The following UBAP1L variants were observed in gnomAD, a reference collection of about 807,000 sequenced individuals.
The protein encoded by UBAP1L is ubiquitin associated protein 1 like.
Under a neutral mutation model 32.1 loss-of-function variants are expected in UBAP1L, and 32 were observed. The ratio of observed to expected loss-of-function variants is 1.00; its 90% CI spans 0.75 to 1.34. The LOEUF is 1.34. UBAP1L is among the 40% of genes most tolerant of loss of function. The probability of loss-of-function intolerance (pLI) is 0.00; values close to 1 mark genes in which losing one functional copy is unlikely to be tolerated. For missense variants in UBAP1L, 516 were observed against 540.5 expected (o/e 0.95, Z 0.45); for synonymous variants, 243 against 250.2 (o/e 0.97, Z 0.27).
intron 1 of UBAP1L, among the ~76,000 whole-genome samples, chr15:65,108,453 A>G (rs1436861629): frequency 2.0e-5 from 3 of 152,192 alleles, no homozygotes; most frequent in Non-Finnish European, 4.4e-5. Context: ...AAGTTACAAA[A>G]GGGCTAACGG....
Position 65,106,421 on chromosome 15 carries a change from A to T in UBAP1L, c.-173-33T>A, listed in dbSNP as rs1188914532. On this transcript the variant is annotated intron_variant, in intron 1 of 5. Transcript: ENST00000559089. ...AAGGAAGGAAATGAATAAAAACAAG[A>T]GCATTCACACGGACAGAAATTCACT... 1.2e-5 allele frequency: 6 copies of T among 500,164 alleles called. No individual in the cohort carries two copies. In the African/African-American group the frequency reaches 1.2e-4, roughly 10 times the overall value. The allele number at this position is 500,164 out of a possible 1,614,324, so 31.0% of individuals were successfully genotyped here. A position where few individuals can be genotyped will look rare whatever the true frequency, so the allele number is the denominator to read the frequency against.
At chr15:65,114,709 A>G (rs906707358) in intron 1 of UBAP1L, among the ~76,000 whole-genome samples, 5 of 152,222 alleles carry the variant, frequency 3.3e-5, no homozygotes, top group African/African-American at 9.7e-5. Flanking sequence ...CATAATTCAA[A>G]TTCTGGTATC....
chr15:65,114,159 C>T (rs975735674), intron 1 of UBAP1L, among the ~76,000 whole-genome samples: 2 of 151,122 alleles, frequency 1.3e-5, no homozygotes, highest in Non-Finnish European at 2.9e-5. Context: ...GCTGGGATTA[C>T]AGGCATGAGC....
At chr15:65,112,227 C>A (rs1216580065) in intron 1 of UBAP1L, among the ~76,000 whole-genome samples, 1 of 152,140 alleles carries the variant, frequency 6.6e-6, no homozygotes, top group Non-Finnish European at 1.5e-5. Flanking sequence ...AGAGAAGTGA[C>A]AAGTTGCTGG....
chr15:65,093,225 C>A lies in UBAP1L; in HGVS notation c.1018G>T (p.Glu340Ter). The change falls in exon 6 of 6, where the codon GAG becomes TAG. Residue 340 changes from glutamate to a stop codon, truncating the protein, a stop_gained. Transcript: ENST00000559089. LOFTEE classifies it high-confidence loss of function. ...MFQFSESQAG[E>*]FLRLWEQFSD... is the part of the protein sequence containing the mutation. Reference sequence around the variant, plus strand: ...AACTGCTCCCAGAGGCGCAGGAACTCCCCTGCCTGAGGAAGAGGAGACAGG... The same window carrying A: ...AACTGCTCCCAGAGGCGCAGGAACTACCCTGCCTGAGGAAGAGGAGACAGG... 1 of 1,544,412 alleles carries A rather than the reference C, an allele frequency of 6.5e-7. No homozygotes were observed. The highest frequency in any genetic ancestry group is 8.7e-7 in the Non-Finnish European group (1 of 1,144,704).
chr15:65,102,515 G>A lies in UBAP1L; in HGVS notation c.290C>T (p.Pro97Leu), dbSNP rs954462322. ...CGGCCTCTCCTGGTGTCCGGCCTCC[G>A]GGTCTCTGATTGTGGTGGGCGCAGG... ...LAPAPTTIRD[P>L]EAGHQERPEE... is the part of the protein sequence containing the mutation. Residue 97 changes from proline to leucine, a missense_variant, in exon 3 of 6, where the codon CCG (proline) becomes CTG (leucine). Coordinates refer to ENST00000559089, the MANE Select transcript of UBAP1L (RefSeq NM_001163692.2). This position sits in a 1 kb window ranked among gnomAD's most constrained non-coding sequence, Gnocchi z 5.0. 2.7e-6 allele frequency: 4 copies of A among 1,480,628 alleles called. No homozygotes were observed. Among genetic ancestry groups the A allele is most frequent in the African/African-American group, 1.4e-5 (1 of 69,106 alleles). 91.7% of individuals were successfully genotyped at this position (1,480,628 alleles called of 1,614,324 possible). A position where few individuals can be genotyped will look rare whatever the true frequency, so the allele number is the denominator to read the frequency against.
At position 65,094,076 on chromosome 15, in the gene UBAP1L, A is replaced by T. The variant is rs529186953; in HGVS notation, c.1011+399T>A. Among the ~76,000 whole-genome samples, 1 of 152,312 alleles carries T rather than the reference A, an allele frequency of 6.6e-6. No individual in the cohort carries two copies. Among genetic ancestry groups the T allele is most frequent in the Admixed American group, 6.5e-5 (1 of 15,296 alleles). ...AACAAGATGTGACTATTGGGCCTACAGCTGCATGCACTTGGGGTAGGCGGC... is the reference window on the plus strand; with the variant it reads ...AACAAGATGTGACTATTGGGCCTACTGCTGCATGCACTTGGGGTAGGCGGC... On this transcript the variant is annotated intron_variant, in intron 5 of 5. Coordinates refer to ENST00000559089, the MANE Select transcript of UBAP1L (RefSeq NM_001163692.2). The surrounding 1 kb of genome is among the most constrained non-coding windows in gnomAD (Gnocchi z 4.2).
rs924967284 is a variant in UBAP1L, at chr15:65,102,963, C to G, written c.121-279G>C. Among the ~76,000 whole-genome samples, 1 of 152,252 alleles carries G rather than the reference C, an allele frequency of 6.6e-6. No individual in the cohort carries two copies. The stretch of plus-strand genomic sequence containing the variant: ...ATGTAATGAAACCCAACATCTAAAT[C>G]CCTTTGCCATTCAGTATGTAGTTGA... On this transcript the variant is annotated intron_variant, in intron 2 of 5. Coordinates refer to ENST00000559089, the MANE Select transcript of UBAP1L (RefSeq NM_001163692.2). This position sits in a 1 kb window ranked among gnomAD's most constrained non-coding sequence, Gnocchi z 5.0.
At chr15:65,093,298 C>A in intron 5 of UBAP1L, 67 bp from the exon 6 acceptor site, 1 of 1,457,916 alleles carries the variant, frequency 6.9e-7, no homozygotes, top group East Asian at 2.5e-5. Flanking sequence ...ATGGGGAGCC[C>A]CAGCTCCAGT....
rs543704665 is a variant in UBAP1L at position 65,093,140 on chromosome 15, C to A, written c.1103G>T (p.Arg368Leu). Reference protein sequence around the residue: ...IKEVLLVHGNRREQALEELVA... With the variant: ...IKEVLLVHGNLREQALEELVA... ...CAGCTCCTCCAGGGCTTGCTCTCGG[C>A]GGTTGCCATGGACCAGCAGCACCTC... The change falls in exon 6 of 6, where the codon CGC (arginine) becomes CTC (leucine). Residue 368 changes from arginine to leucine, a missense_variant. Arg to Leu is a moderately radical substitution (Grantham distance 102). Transcript: ENST00000559089. 6.5e-7 allele frequency: 1 copy of A among 1,549,664 alleles called. No individual in the cohort carries two copies. The highest frequency in any genetic ancestry group is 1.4e-5 in the African/African-American group (1 of 73,114).
chr15:65,111,593 T>G (rs999761364), intron 1 of UBAP1L, among the ~76,000 whole-genome samples: 1 of 152,150 alleles, frequency 6.6e-6, no homozygotes, highest in Admixed American at 6.6e-5. Flanking sequence ...CAAGCGATTC[T>G]CCTGTCTCAG....
At position 65,111,165 on chromosome 15, in the gene UBAP1L, G is replaced by T. The variant is rs769859262; in HGVS notation, c.-174+3985C>A. ...CTACCTTCCATACAGAATCAGGAAG[G>T]TCCCACTGTAACCAGTAAATTATCT... On this transcript the variant is annotated intron_variant, in intron 1 of 5. Transcript: ENST00000559089. 3.9e-5 allele frequency among the ~76,000 whole-genome samples: 6 copies of T among 152,346 alleles called. No homozygotes were observed. The Middle Eastern group carries it at 0.01, about 259-fold the overall frequency.
intron 1 of UBAP1L, among the ~76,000 whole-genome samples, chr15:65,109,482 C>CAAAAA (rs571155403): frequency 4.8e-5 from 3 of 63,126 alleles, no homozygotes; most frequent in African/African-American, 7.2e-5. Context: ...GAATCTGTCT[C>CAAAAA]AAAAAAAAAA....
Position 65,094,570 on chromosome 15 carries a change from T to C in UBAP1L, c.916A>G (p.Ser306Gly), listed in dbSNP as rs1366373750. ...TGRQSLSQFL[S>G]YLSACDRLLR... The stretch of plus-strand genomic sequence containing the variant: ...AGGCGGTCACAGGCACTGAGGTAGC[T>C]GAGAAACTGGGCCGGAAGCGGGCAG... The change falls in exon 5 of 6, where the codon AGC becomes GGC. Residue 306 changes from serine (S) to glycine (G), a missense_variant. Physicochemically the swap from Ser to Gly is moderately conservative, Grantham distance 56. Coordinates refer to ENST00000559089, the MANE Select transcript of UBAP1L (RefSeq NM_001163692.2). The surrounding 1 kb of genome is among the most constrained non-coding windows in gnomAD (Gnocchi z 4.2). 6.4e-7 allele frequency: 1 copy of C among 1,551,140 alleles called. No homozygotes were observed. The highest frequency in any genetic ancestry group is 8.7e-7 in the Non-Finnish European group (1 of 1,146,814).
chr15:65,095,470 A>C (rs1430534424), intron 4 of UBAP1L: 1 of 152,266 alleles, frequency 6.6e-6, no homozygotes, highest in Non-Finnish European at 1.5e-5. Flanking sequence ...CATTCACCAC[A>C]GTGTCCCCAT....
At chr15:65,112,652 A>G (rs2087376469) in intron 1 of UBAP1L, among the ~76,000 whole-genome samples, 1 of 152,150 alleles carries the variant, frequency 6.6e-6, no homozygotes, top group Non-Finnish European at 1.5e-5. Flanking sequence ...TTACCTGCCA[A>G]TGATTCACAA....
chr15:65,095,210 T>C (rs2087159594), intron 4 of UBAP1L: 1 of 152,926 alleles, frequency 6.5e-6, no homozygotes, highest in South Asian at 2.1e-4. Flanking sequence ...AAAGGCCTGC[T>C]CCCTGTCTAT....
At chr15:65,097,548 C>T (rs2087189933) in intron 4 of UBAP1L, 1 of 152,258 alleles carries the variant, frequency 6.6e-6, no homozygotes, top group African/African-American at 2.4e-5. Context: ...GCTGTATGAA[C>T]TTCCCTGGCC....
Position 65,102,283 on chromosome 15 carries a change from G to C in UBAP1L, c.522C>G (p.Leu174=), listed in dbSNP as rs2087250317. Residue 174 remains leucine (L), a synonymous_variant, in exon 3 of 6, where the codon CTC becomes CTG. Coordinates refer to ENST00000559089, the MANE Select transcript of UBAP1L (RefSeq NM_001163692.2). The surrounding 1 kb of genome is among the most constrained non-coding windows in gnomAD (Gnocchi z 5.0). ...CGCGGTGGCCGCGGAGGCCATGCAG[G>C]AGGGCGCGGGGCCGGGAGACCAGCT... ...EGKLVSRPRA[L]LHGLRGHRAL... is the part of the protein sequence containing the mutation. 2.2e-6 allele frequency: 3 copies of C among 1,370,754 alleles called. No individual in the cohort carries two copies. Among genetic ancestry groups the C allele is most frequent in the Non-Finnish European group, 2.8e-6 (3 of 1,070,136 alleles). 84.9% of individuals were successfully genotyped at this position (1,370,754 alleles called of 1,614,324 possible). A position where few individuals can be genotyped will look rare whatever the true frequency, so the allele number is the denominator to read the frequency against.
Sources: allele counts gnomAD v4.1 joint callset (sites outside exome capture counted in the v4.1 genomes callset), GRCh38; gene constraint gnomAD v4.1.1; non-coding constraint Gnocchi (gnomAD v3.1); transcripts MANE v1.5; gene names NCBI Gene and HGNC (gene_info 2026-07-23, HGNC 2026-07-21).